Variants in DLC1 observed in about 807,000 individuals in gnomAD.
DLC1 encodes the protein rho GTPase-activating protein 7.
In DLC1, 54 loss-of-function variants were observed where a neutral mutation model predicts 140.3. That is an observed-to-expected ratio of 0.38 (90% CI 0.31 to 0.48). DLC1 has a LOEUF of 0.48. Among genes scored for constraint, DLC1 ranks in the 20% least tolerant of loss-of-function variants. The pLI is 0.96. For missense variants in DLC1, 2,536 were observed against 1,907.0 expected (o/e 1.33, Z -6.14); for synonymous variants, 986 against 728.1 (o/e 1.35, Z -5.70).
intron 2 of DLC1, among the ~76,000 whole-genome samples, chr8:13,491,217 G>T (rs1801225376): frequency 6.6e-6 from 1 of 151,516 alleles, no homozygotes; most frequent in South Asian, 2.1e-4. Flanking sequence ...AAAAGAATTT[G>T]TCAGCATTTG....
intron 1 of DLC1, among the ~76,000 whole-genome samples, chr8:13,553,442 A>G (rs777002648): frequency 6.6e-6 from 1 of 151,076 alleles, no homozygotes; most frequent in Non-Finnish European, 1.5e-5. Context: ...TTTTTCTTAT[A>G]TTAACACAAT....
At chr8:13,394,924 A>T (rs1386970000) in intron 3 of DLC1, among the ~76,000 whole-genome samples, 4 of 151,948 alleles carry the variant, frequency 2.6e-5, no homozygotes, top group African/African-American at 9.7e-5. Context: ...GACATTTCAA[A>T]CCAAAGAACT....
At chr8:13,404,133 A>G (rs1239013077) in intron 2 of DLC1, among the ~76,000 whole-genome samples, 2 of 152,288 alleles carry the variant, frequency 1.3e-5, no homozygotes, top group East Asian at 3.9e-4. Flanking sequence ...ACAAGACCTC[A>G]TACATTTTAA....
intron 4 of DLC1, among the ~76,000 whole-genome samples, chr8:13,317,309 C>T (rs114002598): frequency 0.028 from 4,205 of 152,198 alleles, 87 homozygotes; most frequent in African/African-American, 0.059. Context: ...GACTGAATTG[C>T]TTCAATACTA....
intron 1 of DLC1, among the ~76,000 whole-genome samples, chr8:13,590,841 G>A (rs977361372): frequency 2.6e-5 from 4 of 151,990 alleles, no homozygotes; most frequent in Non-Finnish European, 5.9e-5. Context: ...AATTAAAAAT[G>A]CTTCATTTAC....
intron 5 of DLC1, chr8:13,305,044 C>A: frequency 8.6e-7 from 1 of 1,168,620 alleles, no homozygotes; most frequent in Non-Finnish European, 1.1e-6. Flanking sequence ...AGGAAGACCC[C>A]AAGAAACACA....
intron 3 of DLC1, among the ~76,000 whole-genome samples, chr8:13,395,002 TATTC>T (rs1444633491): frequency 6.7e-5 from 2 of 29,822 alleles, no homozygotes; most frequent in Non-Finnish European, 1.4e-4. Context: ...ATCTACTACA[TATTC>T]TATCTATCTA....
At chr8:13,301,994 T>C (rs1832215936) in intron 5 of DLC1, among the ~76,000 whole-genome samples, 1 of 152,210 alleles carries the variant, frequency 6.6e-6, no homozygotes, top group South Asian at 2.1e-4. Flanking sequence ...TCCAGCGACA[T>C]GATGGAAGTT....
At chr8:13,183,131 T>C (rs1042233802) in intron 5 of DLC1, among the ~76,000 whole-genome samples, 6 of 152,142 alleles carry the variant, frequency 3.9e-5, no homozygotes, top group African/African-American at 1.4e-4. Context: ...GTTATTGGTG[T>C]ATAGGAATGC....
chr8:13,543,229 CT>C (rs577945564), intron 1 of DLC1, among the ~76,000 whole-genome samples: 2 of 152,012 alleles, frequency 1.3e-5, no homozygotes, highest in Non-Finnish European at 2.9e-5. Flanking sequence ...AGTAGGAAAT[CT>C]TTTTTTGTAT....
At chr8:13,239,460 A>G (rs1309887125) in intron 5 of DLC1, among the ~76,000 whole-genome samples, 1 of 152,140 alleles carries the variant, frequency 6.6e-6, no homozygotes, top group African/African-American at 2.4e-5. Flanking sequence ...TCCTCATTCC[A>G]TCCTTTAGAC....
At chr8:13,312,383 A>AAAAAAAAT (rs1563244976) in intron 4 of DLC1, among the ~76,000 whole-genome samples, 2 of 94,022 alleles carry the variant, frequency 2.1e-5, no homozygotes, top group African/African-American at 9.3e-5. Flanking sequence ...AAAAAAAAAA[A>AAAAAAAAT]AAAAATAATT....
intron 5 of DLC1, among the ~76,000 whole-genome samples, chr8:13,168,811 T>C (rs79285163): frequency 0.019 from 2,944 of 152,346 alleles, 38 homozygotes; most frequent in South Asian, 0.051. Flanking sequence ...CTCGTTGCTA[T>C]ATCTATCTGT....
chr8:13,599,831 A>C (rs1192750138), intron 1 of DLC1, among the ~76,000 whole-genome samples: 5 of 152,058 alleles, frequency 3.3e-5, no homozygotes, highest in African/African-American at 1.2e-4. Context: ...AAGAAAGAAA[A>C]AACATAAAAA....
At chr8:13,144,752 G>A (rs951449641) in intron 5 of DLC1, among the ~76,000 whole-genome samples, 30 of 152,092 alleles carry the variant, frequency 2.0e-4, no homozygotes, top group Non-Finnish European at 3.7e-4. Context: ...GCAACAGAGC[G>A]ATACTCTGCC....
intron 5 of DLC1, among the ~76,000 whole-genome samples, chr8:13,299,183 C>T (rs1239264461): frequency 6.6e-6 from 1 of 151,884 alleles, no homozygotes; most frequent in Non-Finnish European, 1.5e-5. Flanking sequence ...TGGCTCATGC[C>T]TGTAATCCCA....
intron 1 of DLC1, among the ~76,000 whole-genome samples, chr8:13,571,465 C>G (rs1804650412): frequency 6.6e-6 from 1 of 152,148 alleles, no homozygotes; most frequent in Non-Finnish European, 1.5e-5. Flanking sequence ...ATCATGCAGT[C>G]TTTGTCATTT....
rs117097263 is a variant in DLC1, at chr8:13,310,514, A to C, written c.1315-5212T>G. Among the ~76,000 whole-genome samples, 238 of 152,350 alleles carry C rather than the reference A, an allele frequency of 1.6e-3. 7 individuals carry two copies. In the East Asian group the frequency reaches 0.043, roughly 28 times the overall value. On this transcript the variant is annotated intron_variant, in intron 4 of 17. Coordinates refer to ENST00000276297, the MANE Select transcript of DLC1 (RefSeq NM_182643.3). Reference sequence around the variant, plus strand: ...AACAGCCTCTGTCTCAGATGAGAGCACAAGAGCCCATTGTGGGCACATGGG... The same window carrying C: ...AACAGCCTCTGTCTCAGATGAGAGCCCAAGAGCCCATTGTGGGCACATGGG...
chr8:13,502,220 C>T (rs970486781), intron 1 of DLC1, among the ~76,000 whole-genome samples: 57 of 152,118 alleles, frequency 3.7e-4, no homozygotes, highest in Admixed American at 3.7e-3. Flanking sequence ...GAAGATAGTT[C>T]AACAAGTTCT....
Sources: gnomAD v4.1 joint callset for allele counts (sites outside exome capture counted in the v4.1 genomes callset) on GRCh38, gnomAD v4.1.1 for gene constraint, MANE v1.5 for transcripts, NCBI Gene and HGNC (gene_info 2026-07-23, HGNC 2026-07-21) for gene names.